PIP4K2B: variants seen among roughly 807,000 people sequenced by gnomAD.
The protein encoded by PIP4K2B is phosphatidylinositol 5-phosphate 4-kinase type-2 beta.
A neutral mutation model predicts 42.0 loss-of-function variants in PIP4K2B; 3 were observed. That is an observed-to-expected ratio of 0.07 (90% confidence interval 0.03 to 0.18). PIP4K2B has a LOEUF of 0.18. Ranked by LOEUF, PIP4K2B falls within the 10% of genes least tolerant of loss-of-function variation. The probability of loss-of-function intolerance (pLI) is 1.00; values close to 1 mark genes in which losing one functional copy is unlikely to be tolerated. For missense variants in PIP4K2B, 332 were observed against 562.3 expected, an observed-to-expected ratio of 0.59 and a Z score of 4.14; for synonymous variants, 204 against 210.1, an observed-to-expected ratio of 0.97 and a Z score of 0.25.
chr17:38,785,735 G>A (rs1189608229), intron 2 of PIP4K2B, among the ~76,000 whole-genome samples: 1 of 152,100 alleles, frequency 6.6e-6, no homozygotes, highest in Admixed American at 6.6e-5. Flanking sequence ...AGGACAAAAG[G>A]AATAAAGATA....
chr17:38,771,357 T>C, intron 7 of PIP4K2B, 85 bp from the exon 8 acceptor site: 1 of 1,464,300 alleles, frequency 6.8e-7, no homozygotes, highest in Non-Finnish European at 9.5e-7. Flanking sequence ...GGGAAAGGCA[T>C]TCCTTTCAAC....
intron 1 of PIP4K2B, among the ~76,000 whole-genome samples, chr17:38,798,904 C>T (rs1283737458): frequency 1.3e-5 from 2 of 152,180 alleles, no homozygotes; most frequent in African/African-American, 4.8e-5. Context: ...GGGGAATATA[C>T]ACCCTCACAA....
chr17:38,783,162 T>G (rs1473777852), intron 3 of PIP4K2B, among the ~76,000 whole-genome samples: 3 of 116,576 alleles, frequency 2.6e-5, no homozygotes, highest in Non-Finnish European at 4.8e-5. Context: ...GCCATTGCAC[T>G]CCAGCCTGGA....
chr17:38,770,616 C>A (rs1316159595), intron 8 of PIP4K2B, 77 bp from the exon 9 acceptor site: 2 of 811,426 alleles, frequency 2.5e-6, no homozygotes, highest in East Asian at 4.8e-5. Flanking sequence ...ACTGCTACAA[C>A]CCCCAGACAC....
intron 1 of PIP4K2B, among the ~76,000 whole-genome samples, chr17:38,789,263 A>C (rs1910212942): frequency 6.6e-6 from 1 of 152,244 alleles, no homozygotes; most frequent in Non-Finnish European, 1.5e-5. Context: ...TGGATCCTAG[A>C]CAGAGAGCTA....
intron 2 of PIP4K2B, among the ~76,000 whole-genome samples, chr17:38,786,094 T>C (rs1909995815): frequency 6.6e-6 from 1 of 152,084 alleles, no homozygotes; most frequent in African/African-American, 2.4e-5. Flanking sequence ...AATGGTGGGG[T>C]GACAGAACCC....
Position 38,771,043 on chromosome 17 carries a change from A to G in PIP4K2B, c.1037T>C (p.Val346Ala), listed in dbSNP as rs144069813. 2 of 1,614,078 alleles carry G rather than the reference A, an allele frequency of 1.2e-6. No homozygotes were observed. Among genetic ancestry groups the G allele is most frequent in the African/African-American group, 1.3e-5 (1 of 74,916 alleles). The stretch of plus-strand genomic sequence containing the variant: ...ATGGCTTTTCATGGCATAGACGTCA[A>G]CAGAGGGGTCGAATTCCCCAGGACC... ...FFGPGEFDPS[V>A]DVYAMKSHES... The change falls in exon 8 of 10, where the codon GTT becomes GCT. Residue 346 changes from valine to alanine, a missense_variant. Coordinates refer to ENST00000619039, the MANE Select transcript of PIP4K2B (RefSeq NM_003559.5).
intron 1 of PIP4K2B, among the ~76,000 whole-genome samples, chr17:38,793,357 C>A (rs1910445781): frequency 1.3e-5 from 2 of 151,836 alleles, no homozygotes; most frequent in Admixed American, 1.3e-4. Flanking sequence ...GATTCTCCTG[C>A]CTCAGCCTCC....
At chr17:38,780,383 G>C (rs900942413) in intron 4 of PIP4K2B, 69 bp downstream of exon 4, 13 of 1,422,334 alleles carry the variant, frequency 9.1e-6, no homozygotes, top group Non-Finnish European at 1.2e-5. Flanking sequence ...TCCCTAAGAA[G>C]CTCCCCCAGG....
intron 3 of PIP4K2B, among the ~76,000 whole-genome samples, chr17:38,781,160 C>T (rs1909690570): frequency 6.6e-6 from 1 of 152,104 alleles, no homozygotes; most frequent in African/African-American, 2.4e-5. Context: ...AAACCTTCCC[C>T]AAAGCAGGAA....
intron 2 of PIP4K2B, among the ~76,000 whole-genome samples, chr17:38,786,566 G>C (rs1332241410): frequency 6.6e-6 from 1 of 152,186 alleles, no homozygotes; most frequent in African/African-American, 2.4e-5. Context: ...GGCTCTAGAT[G>C]AATCACCCTG....
rs1011109287 is a variant in PIP4K2B at position 38,778,559 on chromosome 17, G to C, written c.655-187C>G. 2.0e-5 allele frequency among the ~76,000 whole-genome samples: 3 copies of C among 152,162 alleles called. No individual in the cohort carries two copies. The South Asian group carries it at 6.2e-4, about 32-fold the overall frequency. ...AGCTCTATGTGCAAGACACTTTTTA[G>C]GTGCTCAGCAAACAGGACTGCACTG... On this transcript the variant is annotated intron_variant, in intron 5 of 9. Coordinates refer to ENST00000619039, the MANE Select transcript of PIP4K2B (RefSeq NM_003559.5).
intron 1 of PIP4K2B, among the ~76,000 whole-genome samples, chr17:38,789,216 G>A (rs188922459): frequency 5.3e-5 from 8 of 152,344 alleles, no homozygotes; most frequent in African/African-American, 1.9e-4. Flanking sequence ...TGCCTCTACT[G>A]CAAACAAACC....
Position 38,769,763 on chromosome 17 carries a change from G to A in PIP4K2B, c.1179C>T (p.Ala393=), listed in dbSNP as rs745535216. The change falls in exon 10 of 10, where the codon GCC becomes GCT. Residue 393 remains alanine, a synonymous_variant. Coordinates refer to ENST00000619039, the MANE Select transcript of PIP4K2B (RefSeq NM_003559.5). The part of the protein sequence containing the change: ...AAKTVKHGAG[A]EISTVNPEQY... ...GCTCAGGGTTCACAGTCGAGATCTC[G>A]GCCCCTGCCTGTAATACACAAGAGG... 7.4e-6 allele frequency: 12 copies of A among 1,613,842 alleles called. No homozygotes were observed. The highest frequency in any genetic ancestry group is 3.3e-5 in the Admixed American group (2 of 59,990).
intron 1 of PIP4K2B, among the ~76,000 whole-genome samples, chr17:38,788,092 T>C (rs1177358947): frequency 2.0e-5 from 3 of 152,204 alleles, no homozygotes; most frequent in Non-Finnish European, 2.9e-5. Context: ...AAATTGTGGG[T>C]CACTCAAGAA....
In PIP4K2B at chr17:38,799,321, A is replaced by T. The variant is rs566615810; in HGVS notation, c.104T>A (p.Leu35Gln). ...KKHFVCQKVK[L>Q]FRASEPILSV... ...GAGGATCGGCTCGCTGGCCCGGAATAGCTTCACTTTCTGGCACACGAAATG... is the reference window on the plus strand; with the variant it reads ...GAGGATCGGCTCGCTGGCCCGGAATTGCTTCACTTTCTGGCACACGAAATG... Residue 35 changes from leucine to glutamine, a missense_variant, in exon 1 of 10, where the codon CTA becomes CAA. Transcript: ENST00000619039. This position sits in a 1 kb window ranked among gnomAD's most constrained non-coding sequence, Gnocchi z 4.4. 6.2e-7 allele frequency: 1 copy of T among 1,608,546 alleles called. No homozygotes were observed. The highest frequency in any genetic ancestry group is 8.5e-7 in the Non-Finnish European group (1 of 1,177,884).
chr17:38,777,544 C>T (rs1193120281), intron 7 of PIP4K2B, 143 bp downstream of exon 7: 1 of 641,248 alleles, frequency 1.6e-6, no homozygotes, highest in Non-Finnish European at 2.8e-6. Flanking sequence ...TTTAGGTGCC[C>T]ATAAGTGCCC....
intron 1 of PIP4K2B, among the ~76,000 whole-genome samples, chr17:38,790,220 A>G (rs1048460974): frequency 3.3e-5 from 5 of 152,148 alleles, no homozygotes; most frequent in African/African-American, 7.2e-5. Flanking sequence ...GCCAGTTCCT[A>G]TTCCAGGGGG....
At chr17:38,779,966 C>G (rs190970367) in intron 4 of PIP4K2B, 4 of 184,942 alleles carry the variant, frequency 2.2e-5, no homozygotes, top group Admixed American at 1.1e-4. Flanking sequence ...ATCCAAAGCT[C>G]TTATCCATGC....
Sources: gnomAD v4.1 joint callset for allele counts (sites outside exome capture counted in the v4.1 genomes callset) on GRCh38, gnomAD v4.1.1 for gene constraint, Gnocchi (gnomAD v3.1) non-coding constraint, MANE v1.5 for transcripts, NCBI Gene and HGNC (gene_info 2026-07-23, HGNC 2026-07-21) for gene names.